The following SIPA1L1 variants were observed in gnomAD, a reference collection of about 807,000 sequenced individuals.
SIPA1L1 encodes signal-induced proliferation-associated 1-like protein 1.
Under a neutral mutation model 162.7 loss-of-function variants are expected in SIPA1L1, and 26 were observed. The observed-to-expected ratio is 0.16, with a 90% CI of 0.12 to 0.22. SIPA1L1 has a LOEUF of 0.22. SIPA1L1 is among the 10% of genes least tolerant of loss of function. SIPA1L1 has a pLI of 1.00. For synonymous variants in SIPA1L1, 829 were observed against 837.4 expected, an observed-to-expected ratio of 0.99 and a Z score of 0.17; for missense variants, 1,874 against 2,241.0, an observed-to-expected ratio of 0.84 and a Z score of 3.31.
chr14:71,605,785 C>T (rs1043337894), intron 5 of SIPA1L1, among the ~76,000 whole-genome samples: 1 of 152,176 alleles, frequency 6.6e-6, no homozygotes, highest in Non-Finnish European at 1.5e-5. Flanking sequence ...CTGTGTGTGT[C>T]TGGGCCTCAG....
intron 2 of SIPA1L1, among the ~76,000 whole-genome samples, chr14:71,340,287 T>A (rs1467656009): frequency 6.6e-6 from 1 of 151,970 alleles, no homozygotes; most frequent in Non-Finnish European, 1.5e-5. Context: ...TTTCACAGAG[T>A]TGGTGTGTGA....
chr14:71,693,722 CTTTT>C (rs377621033), intron 13 of SIPA1L1, among the ~76,000 whole-genome samples: 1 of 139,364 alleles, frequency 7.2e-6, no homozygotes, highest in African/African-American at 2.6e-5. Flanking sequence ...TTTTTCTTTT[CTTTT>C]TTTTTTTTTT....
chr14:71,401,031 G>GTA (rs1012134111), intron 2 of SIPA1L1: 2 of 152,186 alleles, frequency 1.3e-5, no homozygotes, highest in Non-Finnish European at 1.5e-5. Flanking sequence ...CTTCCAAAGA[G>GTA]GTTTAGTGAG....
chr14:71,566,254 T>A (rs1222564002), intron 4 of SIPA1L1, among the ~76,000 whole-genome samples: 1 of 152,194 alleles, frequency 6.6e-6, no homozygotes, highest in Non-Finnish European at 1.5e-5. Context: ...GTAATGGCCT[T>A]ATGAATTAAA....
At chr14:71,590,011 A>C (rs1203844426) in intron 5 of SIPA1L1, among the ~76,000 whole-genome samples, 1 of 112,420 alleles carries the variant, frequency 8.9e-6, no homozygotes, top group African/African-American at 3.6e-5. Flanking sequence ...CTTTTCTTTG[A>C]GTGGGAGAGT....
chr14:71,734,964 C>T (rs2085151121), intron 21 of SIPA1L1, among the ~76,000 whole-genome samples: 1 of 152,120 alleles, frequency 6.6e-6, no homozygotes, highest in Admixed American at 6.5e-5. Context: ...GAGTGGAAAG[C>T]CTTGGTCTGG....
At chr14:71,502,451 A>G (rs1022140674) in intron 2 of SIPA1L1, among the ~76,000 whole-genome samples, 2 of 151,202 alleles carry the variant, frequency 1.3e-5, no homozygotes, top group Non-Finnish European at 2.9e-5. Context: ...GGGTCTCACT[A>G]TGTTGGCCAG....
intron 7 of SIPA1L1, among the ~76,000 whole-genome samples, chr14:71,627,984 T>G (rs2040200815): frequency 6.6e-6 from 1 of 152,186 alleles, no homozygotes; most frequent in Non-Finnish European, 1.5e-5. Context: ...AATATTCTGA[T>G]GCTTAAAACT....
intron 8 of SIPA1L1, among the ~76,000 whole-genome samples, chr14:71,656,606 ATGT>A (rs2043079297): frequency 6.6e-6 from 1 of 152,196 alleles, no homozygotes; most frequent in African/African-American, 2.4e-5. Flanking sequence ...GGATATTTAT[ATGT>A]TGTTACATAG....
At chr14:71,709,713 G>C (rs1456335975) in intron 17 of SIPA1L1, 49 bp downstream of exon 17, 3 of 1,524,360 alleles carry the variant, frequency 2.0e-6, no homozygotes, top group Admixed American at 1.8e-5. Context: ...CCTAAGCCCA[G>C]TTCCCTGGCC....
At chr14:71,610,446 TTC>T (rs1241714094) in intron 5 of SIPA1L1, among the ~76,000 whole-genome samples, 4 of 152,266 alleles carry the variant, frequency 2.6e-5, no homozygotes, top group Non-Finnish European at 5.9e-5. Flanking sequence ...TAGTTTAACA[TTC>T]TCTTAACTAC....
chr14:71,469,852 C>T (rs548312979), intron 2 of SIPA1L1, among the ~76,000 whole-genome samples: 6 of 152,238 alleles, frequency 3.9e-5, no homozygotes, highest in African/African-American at 1.4e-4. Flanking sequence ...TTTGATCAAG[C>T]GTTGGATAAT....
intron 12 of SIPA1L1, among the ~76,000 whole-genome samples, chr14:71,674,590 A>C (rs2044904803): frequency 7.6e-6 from 1 of 131,834 alleles, no homozygotes; most frequent in Non-Finnish European, 1.6e-5. Flanking sequence ...TTTTAGACGG[A>C]GTCTCGCTCT....
At chr14:71,717,053 T>C (rs1010134991) in intron 17 of SIPA1L1, among the ~76,000 whole-genome samples, 7 of 152,140 alleles carry the variant, frequency 4.6e-5, no homozygotes, top group African/African-American at 1.7e-4. Context: ...GTGCATGCCT[T>C]CACGCCCGGC....
At chr14:71,499,568 TTATC>T (rs2050044084) in intron 2 of SIPA1L1, among the ~76,000 whole-genome samples, 1 of 152,222 alleles carries the variant, frequency 6.6e-6, no homozygotes, top group Admixed American at 6.5e-5. Context: ...ATATCTTAAA[TTATC>T]AATCTAACAG....
intron 2 of SIPA1L1, among the ~76,000 whole-genome samples, chr14:71,497,152 A>G (rs2049852460): frequency 1.3e-5 from 2 of 152,244 alleles, no homozygotes; most frequent in East Asian, 1.9e-4. Flanking sequence ...CTGGGCAACA[A>G]GAGCAAAACT....
intron 17 of SIPA1L1, among the ~76,000 whole-genome samples, chr14:71,714,673 C>A (rs1490124943): frequency 6.6e-6 from 1 of 152,006 alleles, no homozygotes; most frequent in African/African-American, 2.4e-5. Flanking sequence ...CCTCAACCTT[C>A]TGGGCTCAAG....
At chr14:71,521,233 A>C (rs1263185673) in intron 3 of SIPA1L1, among the ~76,000 whole-genome samples, 2 of 152,242 alleles carry the variant, frequency 1.3e-5, no homozygotes, top group Non-Finnish European at 2.9e-5. Context: ...AGAGAGAAGC[A>C]TACGAATTTA....
intron 4 of SIPA1L1, among the ~76,000 whole-genome samples, chr14:71,532,166 A>G (rs1364290005): frequency 2.6e-5 from 4 of 152,182 alleles, no homozygotes; most frequent in African/African-American, 7.2e-5. Context: ...AATTGTTTGA[A>G]GATCTTACAC....
Sources: gnomAD v4.1 joint callset for allele counts (sites outside exome capture counted in the v4.1 genomes callset) on GRCh38, gnomAD v4.1.1 for gene constraint, MANE v1.5 for transcripts, NCBI Gene and HGNC (gene_info 2026-07-23, HGNC 2026-07-21) for gene names.